Variants in SH3D19 observed in about 807,000 individuals in gnomAD.
SH3D19 encodes the protein SH3 domain containing 19, also known as SH3 domain-containing protein 19.
Under a neutral mutation model 112.1 loss-of-function variants are expected in SH3D19, and 58 were observed. The observed-to-expected ratio is 0.52, with a 90% CI of 0.42 to 0.64. The LOEUF is 0.64. Ranked by LOEUF, SH3D19 falls within the 30% of genes least tolerant of loss-of-function variation. The pLI is 0.00. For synonymous variants in SH3D19, 391 were observed against 448.5 expected, an observed-to-expected ratio of 0.87 and a Z score of 1.62; for missense variants, 1,090 against 1,263.4, an observed-to-expected ratio of 0.86 and a Z score of 2.08.
At chr4:151,171,979 G>A (rs1414800402) in intron 7 of SH3D19, among the ~76,000 whole-genome samples, 1 of 152,116 alleles carries the variant, frequency 6.6e-6, no homozygotes, top group African/African-American at 2.4e-5. Flanking sequence ...TCTTTACAAT[G>A]TTTTCATAGC....
chr4:151,180,159 T>C (rs1489537265), intron 3 of SH3D19, among the ~76,000 whole-genome samples: 1 of 152,216 alleles, frequency 6.6e-6, no homozygotes, highest in Non-Finnish European at 1.5e-5. Flanking sequence ...ATTACAGGCA[T>C]GAGCCACTAT....
At chr4:151,293,813 T>G (rs1326339914) in intron 1 of SH3D19, among the ~76,000 whole-genome samples, 1 of 152,230 alleles carries the variant, frequency 6.6e-6, no homozygotes, top group Non-Finnish European at 1.5e-5. Flanking sequence ...CTCTTCAGCC[T>G]CATTTGGCTC....
At chr4:151,315,676 G>T (rs1387934248) in intron 1 of SH3D19, among the ~76,000 whole-genome samples, 1 of 152,094 alleles carries the variant, frequency 6.6e-6, no homozygotes, top group Non-Finnish European at 1.5e-5. Context: ...ATTTAGGCTG[G>T]TGCAGTGGTG....
At chr4:151,148,747 A>G (rs1287894079) in intron 10 of SH3D19, among the ~76,000 whole-genome samples, 1 of 152,204 alleles carries the variant, frequency 6.6e-6, no homozygotes, top group African/African-American at 2.4e-5. Flanking sequence ...CCTACGATAG[A>G]AATAATTTTC....
chr4:151,236,874 C>T (rs898405586), intron 1 of SH3D19, among the ~76,000 whole-genome samples: 12 of 152,128 alleles, frequency 7.9e-5, no homozygotes, highest in Non-Finnish European at 1.5e-4. Context: ...GTCTGTAAAA[C>T]GGACTAATCA....
At chr4:151,133,282 A>G (rs747743521) in intron 15 of SH3D19, 46 bp from the exon 16 acceptor site, 11 of 1,502,212 alleles carry the variant, frequency 7.3e-6, no homozygotes, top group Non-Finnish European at 1.0e-5. Flanking sequence ...GAGTGCTTTT[A>G]AAATGCTTAA....
chr4:151,212,655 G>A (rs956380805), intron 2 of SH3D19, among the ~76,000 whole-genome samples: 1 of 152,206 alleles, frequency 6.6e-6, no homozygotes, highest in Non-Finnish European at 1.5e-5. Flanking sequence ...TCACCCAAGA[G>A]CTCTGATGCA....
intron 2 of SH3D19, among the ~76,000 whole-genome samples, chr4:151,198,577 T>G (rs1763923273): frequency 6.6e-6 from 1 of 151,238 alleles, no homozygotes; most frequent in African/African-American, 2.4e-5. Context: ...CTTTGACCCT[T>G]TAGAGGCTCC....
intron 2 of SH3D19, among the ~76,000 whole-genome samples, chr4:151,201,120 CAAAAT>C (rs1764335330): frequency 6.6e-6 from 1 of 152,116 alleles, no homozygotes; most frequent in South Asian, 2.1e-4. Context: ...ACAAACAAAA[CAAAAT>C]AAATTCACTG....
chr4:151,149,604 A>G, intron 9 of SH3D19, 43 bp from the exon 10 acceptor site: 1 of 1,566,306 alleles, frequency 6.4e-7, no homozygotes, highest in Non-Finnish European at 8.7e-7. Context: ...GTTAATCTGA[A>G]ACAAGAACTT....
intron 1 of SH3D19, among the ~76,000 whole-genome samples, chr4:151,249,599 A>G (rs1262674855): frequency 6.6e-6 from 1 of 152,202 alleles, no homozygotes; most frequent in East Asian, 1.9e-4. Flanking sequence ...AACTCATATG[A>G]AATCTGAAAC....
At chr4:151,322,729 G>A (rs147430084) in intron 1 of SH3D19, among the ~76,000 whole-genome samples, 72 of 152,248 alleles carry the variant, frequency 4.7e-4, no homozygotes, top group African/African-American at 1.7e-3. Context: ...GCCCTACAAG[G>A]ACTGTCCTGT....
intron 1 of SH3D19, among the ~76,000 whole-genome samples, chr4:151,245,813 G>A (rs1160568108): frequency 6.6e-6 from 1 of 152,092 alleles, no homozygotes; most frequent in African/African-American, 2.4e-5. Flanking sequence ...TATTGGCCAG[G>A]CTGTCTCGAA....
At chr4:151,212,718 C>A (rs1435795745) in intron 2 of SH3D19, among the ~76,000 whole-genome samples, 1 of 152,238 alleles carries the variant, frequency 6.6e-6, no homozygotes, top group African/African-American at 2.4e-5. Context: ...AACATCCAAT[C>A]TGCAACCCAT....
At chr4:151,300,927 A>G (rs996395551) in intron 1 of SH3D19, among the ~76,000 whole-genome samples, 9 of 152,232 alleles carry the variant, frequency 5.9e-5, no homozygotes, top group Non-Finnish European at 1.3e-4. Context: ...GACTATATGT[A>G]GGCAATTGTG....
chr4:151,311,688 A>G (rs1729474372), intron 1 of SH3D19, among the ~76,000 whole-genome samples: 1 of 152,172 alleles, frequency 6.6e-6, no homozygotes, highest in South Asian at 2.1e-4. Flanking sequence ...AAAATTTTTT[A>G]AAAGAAAAAA....
intron 1 of SH3D19, chr4:151,291,192 A>G: frequency 1.9e-6 from 3 of 1,613,742 alleles, no homozygotes; most frequent in Non-Finnish European, 2.5e-6. Flanking sequence ...GCTGGGGATT[A>G]GAATGTGGTA....
intron 8 of SH3D19, among the ~76,000 whole-genome samples, chr4:151,159,616 T>C (rs796271712): frequency 6.6e-6 from 1 of 152,334 alleles, no homozygotes; most frequent in African/African-American, 2.4e-5. Flanking sequence ...ACCTTTTATG[T>C]GCCAGGAATT....
At chr4:151,211,484 G>C (rs902371202) in intron 2 of SH3D19, among the ~76,000 whole-genome samples, 3 of 151,128 alleles carry the variant, frequency 2.0e-5, no homozygotes, top group African/African-American at 7.3e-5. Context: ...CTGAAAGCTA[G>C]AAATGGTTAA....
Sources: allele counts gnomAD v4.1 joint callset (sites outside exome capture counted in the v4.1 genomes callset), GRCh38; gene constraint gnomAD v4.1.1; transcripts MANE v1.5; gene names NCBI Gene and HGNC (gene_info 2026-07-23, HGNC 2026-07-21).